Variants in BIN3 observed in about 807,000 individuals in gnomAD.
BIN3 encodes the protein bridging integrator 3.
BIN3 carries 41 observed loss-of-function variants against 38.2 expected under a neutral mutation model. The ratio of observed to expected loss-of-function variants is 1.07; its 90% confidence interval spans 0.84 to 1.39. The LOEUF is 1.39. BIN3 is among the 40% of genes most tolerant of loss of function. The pLI, the probability that BIN3 is intolerant of heterozygous loss-of-function variation, is 0.00. For synonymous variants in BIN3, 145 were observed against 122.6 expected (o/e 1.18, Z -1.21); for missense variants, 361 against 324.3 (o/e 1.11, Z -0.87).
At position 22,652,098 on chromosome 8, in the gene BIN3, A is replaced by AT. The variant is rs1172514128; in HGVS notation, c.9-7296dup. ...CTTATTTTTATTTCATGGATGCCTT[A>AT]TCTCTCTGAGGATCTTAACAACAGC... On this transcript the variant is annotated intron_variant, in intron 1 of 8. Transcript: ENST00000276416. 2.7e-5 allele frequency among the ~76,000 whole-genome samples: 4 copies of AT among 150,940 alleles called. No individual in the cohort carries two copies. The East Asian group carries it at 7.8e-4, about 29-fold the overall frequency.
rs145436830 is a variant in BIN3, at chr8:22,635,862, A to G, written c.160+663T>C. 1.8e-4 allele frequency among the ~76,000 whole-genome samples: 27 copies of G among 152,238 alleles called. No individual in the cohort carries two copies. In the East Asian group the frequency reaches 4.5e-3, roughly 25 times the overall value. On this transcript the variant is annotated intron_variant, in intron 4 of 8. Coordinates refer to ENST00000276416, the MANE Select transcript of BIN3 (RefSeq NM_018688.6). ...CTGCTCGTCGCCTCCTTCCTGGGAC[A>G]TGGCCTGCAGCAAGGGCTCTGGATG...
At chr8:22,663,451 A>AG (rs1803307769) in intron 1 of BIN3, among the ~76,000 whole-genome samples, 1 of 150,846 alleles carries the variant, frequency 6.6e-6, no homozygotes. Flanking sequence ...AAAAAAAAAA[A>AG]AAAAAAAAAA....
chr8:22,644,209 A>T (rs1363775650), intron 2 of BIN3, among the ~76,000 whole-genome samples: 1 of 152,240 alleles, frequency 6.6e-6, no homozygotes, highest in Non-Finnish European at 1.5e-5. Flanking sequence ...TTCTGGAGAT[A>T]AAAACTTTCT....
At chr8:22,668,475 G>A (rs982790720) in intron 1 of BIN3, among the ~76,000 whole-genome samples, 1 of 152,194 alleles carries the variant, frequency 6.6e-6, no homozygotes, top group African/African-American at 2.4e-5. Context: ...GCTCTGGAAT[G>A]ATTAAAACCA....
At chr8:22,637,061 G>T (rs574005041) in intron 2 of BIN3, 99 bp from the exon 3 acceptor site, 4 of 1,067,794 alleles carry the variant, frequency 3.7e-6, no homozygotes, top group Non-Finnish European at 5.7e-6. Context: ...GCCCCAGTCC[G>T]CAGAAAACAA....
rs374506399 is a variant in BIN3 at position 22,644,744 on chromosome 8, G to A, written c.57+11C>T. 10 of 1,610,018 alleles carry A rather than the reference G, an allele frequency of 6.2e-6. No homozygotes were observed. The South Asian group carries it at 6.7e-5, about 11-fold the overall frequency. On this transcript the variant is annotated intron_variant, in intron 2 of 8. Transcript: ENST00000276416. ...AACTGAATCTCACAGCAAAACAATC[G>A]AGTTACTCACTGTTTTGGGCACAAT...
In BIN3 at chr8:22,669,087, C is replaced by T; in HGVS notation, c.-36G>A. The T allele has an allele frequency of 6.3e-7, 1 of 1,588,470 alleles. No individual in the cohort carries two copies. The highest frequency in any genetic ancestry group is 8.6e-7 in the Non-Finnish European group (1 of 1,167,630). ...CTGCGTCTGCCGCCGGGGTCCTCAG[C>T]CACAACTCGTTTCTCTAGGGTCACT... On this transcript the variant is annotated 5_prime_UTR_variant, in exon 1 of 9. Transcript: ENST00000276416.
At chr8:22,668,584 G>A (rs1419527386) in intron 1 of BIN3, among the ~76,000 whole-genome samples, 3 of 152,236 alleles carry the variant, frequency 2.0e-5, no homozygotes, top group Admixed American at 6.5e-5. Context: ...GCTAAGTCGT[G>A]CAAAGAGGAT....
At chr8:22,636,014 C>T (rs1802353869) in intron 4 of BIN3, among the ~76,000 whole-genome samples, 1 of 152,168 alleles carries the variant, frequency 6.6e-6, no homozygotes, top group African/African-American at 2.4e-5. Flanking sequence ...CCTGCTGGCC[C>T]CCACTTCCCA....
chr8:22,644,770 C>G lies in BIN3; in HGVS notation c.42G>C (p.Gln14His). Residue 14 changes from glutamine to histidine, a missense_variant, in exon 2 of 9, where the codon CAG (glutamine) becomes CAC (histidine). Physicochemically the swap from Gln to His is conservative, Grantham distance 24. Transcript: ENST00000276416. Reference protein sequence around the residue: ...IPFKIGQPKKQIVPKTVERDF... With the variant: ...IPFKIGQPKKHIVPKTVERDF... ...AGTTACTCACTGTTTTGGGCACAAT[C>G]TGTTTCTTGGGCTGCCCAATCTTAA... The G allele has an allele frequency of 6.2e-7, 1 of 1,611,990 alleles. No homozygotes were observed. Among genetic ancestry groups the G allele is most frequent in the Non-Finnish European group, 8.5e-7 (1 of 1,178,946 alleles).
chr8:22,661,983 C>T (rs911670249), intron 1 of BIN3, among the ~76,000 whole-genome samples: 5 of 150,756 alleles, frequency 3.3e-5, no homozygotes, highest in Admixed American at 3.3e-4. Flanking sequence ...TTAGTAGAGA[C>T]GGGGTTTCAC....
At chr8:22,636,372 G>A (rs1201413341) in intron 4 of BIN3, among the ~76,000 whole-genome samples, 153 bp downstream of exon 4, 2 of 152,210 alleles carry the variant, frequency 1.3e-5, no homozygotes, top group African/African-American at 4.8e-5. Flanking sequence ...GATGTGACTG[G>A]TGAGGAGTGA....
At chr8:22,669,010 G>T in intron 1 of BIN3, 34 bp downstream of exon 1, 1 of 1,568,542 alleles carries the variant, frequency 6.4e-7, no homozygotes, top group South Asian at 1.2e-5. Context: ...GGGTCCGCGG[G>T]TCCAGCAGCT....
At chr8:22,629,850 C>A (rs1367104234) in intron 6 of BIN3, 114 bp downstream of exon 6, 7 of 1,071,860 alleles carry the variant, frequency 6.5e-6, no homozygotes. Flanking sequence ...AGTTTCCCGT[C>A]AGGCCCCATG....
chr8:22,632,414 G>A (rs1220378663), intron 4 of BIN3, among the ~76,000 whole-genome samples: 4 of 152,176 alleles, frequency 2.6e-5, no homozygotes, highest in Non-Finnish European at 4.4e-5. Flanking sequence ...ACCAGCAAAA[G>A]GGCAAACTGT....
intron 8 of BIN3, among the ~76,000 whole-genome samples, chr8:22,622,179 A>ATGGGGAAGCCCGTCAAT (rs1158615960): frequency 1.3e-5 from 2 of 152,164 alleles, no homozygotes; most frequent in African/African-American, 2.4e-5. Context: ...AGGTGGAGGA[A>ATGGGGAAGCCCGTCAAT]TGGGGAAGCC....
chr8:22,639,391 C>T (rs1231502442), intron 2 of BIN3, among the ~76,000 whole-genome samples: 2 of 152,156 alleles, frequency 1.3e-5, no homozygotes, highest in Non-Finnish European at 2.9e-5. Flanking sequence ...GCCATTATGC[C>T]TGGCTAATTT....
chr8:22,622,296 T>C (rs570643280), intron 8 of BIN3, among the ~76,000 whole-genome samples: 2 of 152,346 alleles, frequency 1.3e-5, no homozygotes, highest in Admixed American at 6.5e-5. Context: ...TGCAGTTTCC[T>C]GAAAGCTTCC....
intron 6 of BIN3, chr8:22,625,816 G>A (rs530260993): frequency 2.0e-5 from 3 of 152,076 alleles, no homozygotes; most frequent in Non-Finnish European, 4.4e-5. Context: ...TTGAACTCCT[G>A]ACCTTGAGTA....
Sources: gnomAD v4.1 joint callset for allele counts (sites outside exome capture counted in the v4.1 genomes callset) on GRCh38, gnomAD v4.1.1 for gene constraint, MANE v1.5 for transcripts, NCBI Gene and HGNC (gene_info 2026-07-23, HGNC 2026-07-21) for gene names.